REDIC1: variants seen among roughly 807,000 people sequenced by gnomAD.
REDIC1 encodes the protein regulator of DNA class I crossover intermediates 1.
At chr12:39,721,737 A>G in the REDIC1 span, 1 of 152,422 alleles carries the variant, frequency 6.6e-6, no homozygotes, top group South Asian at 2.1e-4. Context: ...CTTTAATATT[A>G]CAGTCCTATT....
At chr12:39,757,883 G>C in the REDIC1 span, 53,986 of 151,938 alleles carry the variant, frequency 0.36, 10,067 homozygotes, top group East Asian at 0.5. Flanking sequence ...TAAAGAGAAG[G>C]ATTGAGGCAA....
At chr12:39,749,452 C>T in the REDIC1 span, among the ~76,000 whole-genome samples, 1 of 152,246 alleles carries the variant, frequency 6.6e-6, no homozygotes, top group Non-Finnish European at 1.5e-5. Context: ...AAAAAAATTC[C>T]AGGACCAGAT....
chr12:39,882,790 A>AC, the REDIC1 span, among the ~76,000 whole-genome samples: 6 of 152,192 alleles, frequency 3.9e-5, no homozygotes, highest in Admixed American at 2.0e-4. Context: ...TGCTAGAATT[A>AC]TTACTCTTTC....
the REDIC1 span, among the ~76,000 whole-genome samples, chr12:39,849,523 T>C: frequency 6.6e-6 from 1 of 152,210 alleles, no homozygotes; most frequent in African/African-American, 2.4e-5. Context: ...GAGGTGCTCA[T>C]GACTGCCTCT....
At chr12:39,864,812 A>C in the REDIC1 span, 1 of 1,614,130 alleles carries the variant, frequency 6.2e-7, no homozygotes, top group Non-Finnish European at 8.5e-7. Flanking sequence ...TTGGCTTAAA[A>C]GTGATGCGTG....
At chr12:39,764,630 A>ACT in the REDIC1 span, 1 of 1,581,154 alleles carries the variant, frequency 6.3e-7, no homozygotes. Flanking sequence ...ATAAAACATT[A>ACT]AAAACTTTAG....
the REDIC1 span, among the ~76,000 whole-genome samples, chr12:39,786,198 T>C: frequency 6.6e-6 from 1 of 152,186 alleles, no homozygotes; most frequent in Non-Finnish European, 1.5e-5. Flanking sequence ...TCCCATGTAT[T>C]GTGGGAGGTA....
the REDIC1 span, among the ~76,000 whole-genome samples, chr12:39,717,098 T>C: frequency 6.9e-6 from 1 of 145,074 alleles, no homozygotes; most frequent in Non-Finnish European, 1.5e-5. Flanking sequence ...CCTTTTATCC[T>C]TTTATCAAGA....
At chr12:39,646,460 A>G in the REDIC1 span, 1 of 1,557,106 alleles carries the variant, frequency 6.4e-7, no homozygotes, top group Non-Finnish European at 8.7e-7. Flanking sequence ...TACAGAAACC[A>G]AGTAGGTTTT....
the REDIC1 span, among the ~76,000 whole-genome samples, chr12:39,632,801 A>G: frequency 1.3e-5 from 2 of 152,204 alleles, no homozygotes; most frequent in African/African-American, 4.8e-5. Flanking sequence ...AATAGTAAGT[A>G]TTTATGTATC....
chr12:39,891,618 T>C, the REDIC1 span, among the ~76,000 whole-genome samples: 3 of 152,192 alleles, frequency 2.0e-5, no homozygotes, highest in Admixed American at 6.5e-5. Context: ...ATGAGTATCA[T>C]TTTCTGCAGC....
the REDIC1 span, among the ~76,000 whole-genome samples, chr12:39,903,649 T>C: frequency 6.6e-6 from 1 of 152,026 alleles, no homozygotes; most frequent in African/African-American, 2.4e-5. Context: ...AGCCTAGGGC[T>C]TCTACAGGCA....
At chr12:39,833,169 T>C in the REDIC1 span, among the ~76,000 whole-genome samples, 2 of 152,144 alleles carry the variant, frequency 1.3e-5, no homozygotes, top group African/African-American at 4.8e-5. Flanking sequence ...CACAGCCATG[T>C]CCATTTCTTT....
chr12:39,832,807 AC>A, the REDIC1 span, among the ~76,000 whole-genome samples: 17 of 152,072 alleles, frequency 1.1e-4, no homozygotes, highest in South Asian at 3.3e-3. Flanking sequence ...ATTCCATTAT[AC>A]CCATCTGGTA....
chr12:39,660,527 ATAT>A, the REDIC1 span, among the ~76,000 whole-genome samples: 5 of 151,992 alleles, frequency 3.3e-5, no homozygotes, highest in African/African-American at 1.2e-4. Context: ...TTATTGATAC[ATAT>A]TATTTAATAT....
chr12:39,710,829 C>G, the REDIC1 span, among the ~76,000 whole-genome samples: 1 of 151,540 alleles, frequency 6.6e-6, no homozygotes, highest in African/African-American at 2.4e-5. Context: ...CCATGTGTCT[C>G]TAATAACTAT....
chr12:39,657,202 C>T, the REDIC1 span, among the ~76,000 whole-genome samples: 2 of 151,988 alleles, frequency 1.3e-5, no homozygotes, highest in Non-Finnish European at 2.9e-5. Flanking sequence ...TTTCCTATAC[C>T]TTTTCTATGT....
At chr12:39,906,439 T>C in the REDIC1 span, among the ~76,000 whole-genome samples, 7 of 152,142 alleles carry the variant, frequency 4.6e-5, no homozygotes, top group Non-Finnish European at 7.4e-5. Context: ...AGTCACTAGA[T>C]AACTTTCCCC....
At chr12:39,874,431 T>C in the REDIC1 span, among the ~76,000 whole-genome samples, 1 of 151,986 alleles carries the variant, frequency 6.6e-6, no homozygotes, top group Non-Finnish European at 1.5e-5. Flanking sequence ...CTGGCCAACA[T>C]GGTGAAACCC....
Sources: gnomAD v4.1 joint callset for allele counts (sites outside exome capture counted in the v4.1 genomes callset) on GRCh38, gnomAD v4.1.1 for gene constraint, MANE v1.5 for transcripts, NCBI Gene and HGNC (gene_info 2026-07-23, HGNC 2026-07-21) for gene names.